Variants in CLSTN2 observed in about 807,000 individuals in gnomAD.
The protein encoded by CLSTN2 is calsyntenin-2.
CLSTN2 carries 48 observed loss-of-function variants against 101.2 expected under a neutral mutation model. That is an observed-to-expected ratio of 0.47 (90% CI 0.38 to 0.60). The LOEUF is 0.60. CLSTN2 is among the 20% of genes least tolerant of loss of function. The pLI is 0.00. For synonymous variants in CLSTN2, 481 were observed against 463.6 expected (o/e 1.04, Z -0.48); for missense variants, 1,160 against 1,238.2 (o/e 0.94, Z 0.95).
intron 2 of CLSTN2, among the ~76,000 whole-genome samples, chr3:140,214,991 T>TA (rs2010903169): frequency 6.6e-6 from 1 of 152,220 alleles, no homozygotes; most frequent in African/African-American, 2.4e-5. Flanking sequence ...TTCTGCATTA[T>TA]AATGTAAATC....
chr3:140,157,034 G>A (rs1012137493), intron 1 of CLSTN2, among the ~76,000 whole-genome samples: 4 of 152,102 alleles, frequency 2.6e-5, no homozygotes, highest in African/African-American at 9.7e-5. Context: ...TCTTGCCCCT[G>A]CCCTTTGTAG....
intron 2 of CLSTN2, among the ~76,000 whole-genome samples, chr3:140,387,121 G>A (rs112688673): frequency 1.1e-4 from 16 of 152,260 alleles, no homozygotes; most frequent in African/African-American, 3.9e-4. Context: ...TTGCCTCATG[G>A]AGCTCTGAGG....
intron 10 of CLSTN2, among the ~76,000 whole-genome samples, chr3:140,551,602 G>A (rs971233846): frequency 7.2e-5 from 11 of 152,260 alleles, no homozygotes; most frequent in East Asian, 1.9e-4. Context: ...TGCCAGAGAC[G>A]TAGGCAGGGG....
intron 8 of CLSTN2, among the ~76,000 whole-genome samples, chr3:140,493,177 T>C (rs1396075105): frequency 1.3e-5 from 2 of 152,224 alleles, no homozygotes; most frequent in Non-Finnish European, 2.9e-5. Flanking sequence ...GTTTACCTTT[T>C]TGGCCTTTAA....
chr3:140,008,053 A>C (rs565090490), intron 1 of CLSTN2, among the ~76,000 whole-genome samples: 6 of 152,254 alleles, frequency 3.9e-5, no homozygotes, highest in Admixed American at 1.3e-4. Context: ...TGCCAGCTGC[A>C]GTGATGCCAA....
At chr3:140,078,166 A>G (rs1214346277) in intron 1 of CLSTN2, among the ~76,000 whole-genome samples, 4 of 152,066 alleles carry the variant, frequency 2.6e-5, no homozygotes, top group Non-Finnish European at 5.9e-5. Context: ...CCTCTTTTGG[A>G]TCAATGTCAG....
intron 1 of CLSTN2, among the ~76,000 whole-genome samples, chr3:140,079,127 CTATT>C (rs1166588176): frequency 2.0e-5 from 3 of 152,154 alleles, no homozygotes; most frequent in South Asian, 2.1e-4. Flanking sequence ...GACATCATGT[CTATT>C]TATAAAGGCT....
chr3:139,991,797 T>C (rs2107828459), intron 1 of CLSTN2, among the ~76,000 whole-genome samples: 1 of 152,332 alleles, frequency 6.6e-6, no homozygotes, highest in African/African-American at 2.4e-5. Flanking sequence ...TGTGAACTTC[T>C]GGCATGGCTG....
chr3:140,148,067 A>G (rs1211753183), intron 1 of CLSTN2, among the ~76,000 whole-genome samples: 1 of 152,212 alleles, frequency 6.6e-6, no homozygotes, highest in African/African-American at 2.4e-5. Context: ...AAAGGGTGGA[A>G]AGGGCAGGAT....
intron 2 of CLSTN2, among the ~76,000 whole-genome samples, chr3:140,290,963 AG>A (rs1432255045): frequency 6.6e-6 from 1 of 152,166 alleles, no homozygotes; most frequent in Non-Finnish European, 1.5e-5. Flanking sequence ...GCATACAAAC[AG>A]GGCCAACTAC....
chr3:140,485,348 A>G (rs1270560719), intron 8 of CLSTN2, among the ~76,000 whole-genome samples: 1 of 152,118 alleles, frequency 6.6e-6, no homozygotes, highest in African/African-American at 2.4e-5. Context: ...CAGCCGTGTG[A>G]GGTGTCAGTC....
chr3:140,271,326 G>A (rs1293185935), intron 2 of CLSTN2, among the ~76,000 whole-genome samples: 5 of 152,118 alleles, frequency 3.3e-5, no homozygotes, highest in Admixed American at 2.0e-4. Flanking sequence ...TCCCCTCCAG[G>A]CTAATTACTT....
chr3:140,567,418 GCTT>G lies in CLSTN2; in HGVS notation c.*1172_*1174del, dbSNP rs1231863807. 1.1e-4 allele frequency: 17 copies of G among 152,358 alleles called. No individual in the cohort carries two copies. The highest frequency in any genetic ancestry group is 3.8e-4 in the African/African-American group (16 of 41,588). The allele number at this position is 152,358 out of a possible 1,614,324, so 9.4% of individuals were successfully genotyped here. ...TAGAAGCATATTTGCAATCATTGCA[GCTT>G]CTTCTTTCTTCTGCTCATAAAAGGA... On this transcript the variant is annotated 3_prime_UTR_variant, in exon 17 of 17. Coordinates refer to ENST00000458420, the MANE Select transcript of CLSTN2 (RefSeq NM_022131.3).
chr3:140,554,105 C>T (rs1935756538), intron 10 of CLSTN2, among the ~76,000 whole-genome samples: 1 of 152,114 alleles, frequency 6.6e-6, no homozygotes, highest in Non-Finnish European at 1.5e-5. Flanking sequence ...GTGGTGTTAC[C>T]ATTTTGTAAA....
chr3:140,230,015 C>T (rs147055360), intron 2 of CLSTN2, among the ~76,000 whole-genome samples: 2 of 152,202 alleles, frequency 1.3e-5, no homozygotes, highest in Non-Finnish European at 2.9e-5. Flanking sequence ...GCATTCACAT[C>T]TGTCTTCTCT....
intron 1 of CLSTN2, among the ~76,000 whole-genome samples, chr3:139,997,547 T>C (rs371144416): frequency 4.6e-5 from 7 of 152,308 alleles, no homozygotes; most frequent in Admixed American, 2.6e-4. Flanking sequence ...TGGTTCATTG[T>C]TAATTTTTTC....
At chr3:140,533,172 T>A (rs1052880234) in intron 9 of CLSTN2, among the ~76,000 whole-genome samples, 1 of 152,200 alleles carries the variant, frequency 6.6e-6, no homozygotes, top group Non-Finnish European at 1.5e-5. Context: ...TCTCCAAGCA[T>A]GCGTGTGATC....
chr3:140,191,706 C>A (rs903611813), intron 2 of CLSTN2, among the ~76,000 whole-genome samples: 6 of 152,002 alleles, frequency 3.9e-5, no homozygotes, highest in Middle Eastern at 6.8e-3. Flanking sequence ...TCTGTAGTAT[C>A]CTTTTGATAT....
At chr3:140,320,176 G>A (rs557097528) in intron 2 of CLSTN2, among the ~76,000 whole-genome samples, 66 of 152,304 alleles carry the variant, frequency 4.3e-4, no homozygotes, top group African/African-American at 1.4e-3. Context: ...CAAGCCAGCC[G>A]TGAGACCTAA....
Sources: allele counts gnomAD v4.1 joint callset (sites outside exome capture counted in the v4.1 genomes callset), GRCh38; gene constraint gnomAD v4.1.1; transcripts MANE v1.5; gene names NCBI Gene and HGNC (gene_info 2026-07-23, HGNC 2026-07-21).